SPTA1: variants seen among roughly 807,000 people sequenced by gnomAD.
SPTA1 encodes spectrin alpha chain, erythrocytic 1.
In SPTA1, 177 loss-of-function variants were observed where a neutral mutation model predicts 324.7. The observed-to-expected ratio is 0.55, with a 90% CI of 0.48 to 0.62. The LOEUF (loss-of-function observed/expected upper bound fraction) is 0.62, where lower values mean the gene tolerates loss of function less well. Ranked by LOEUF, SPTA1 falls within the 20% of genes least tolerant of loss-of-function variation. The probability of loss-of-function intolerance (pLI) is 0.00; values close to 1 mark genes in which losing one functional copy is unlikely to be tolerated. For synonymous variants in SPTA1, 1,195 were observed against 1,041.3 expected, an observed-to-expected ratio of 1.15 and a Z score of -2.84; for missense variants, 3,162 against 2,883.6, an observed-to-expected ratio of 1.10 and a Z score of -2.21.
intron 47 of SPTA1, among the ~76,000 whole-genome samples, chr1:158,616,637 C>A (rs1185126271): frequency 6.6e-6 from 1 of 152,116 alleles, no homozygotes; most frequent in East Asian, 1.9e-4. Flanking sequence ...ATTTCTTTAT[C>A]AGTTAATCCA....
chr1:158,674,067 A>G (rs1025164894), intron 10 of SPTA1, among the ~76,000 whole-genome samples: 2 of 152,196 alleles, frequency 1.3e-5, no homozygotes, highest in African/African-American at 4.8e-5. Context: ...AGGAGAATGT[A>G]CATGCATCGT....
chr1:158,678,170 C>T (rs1359007041), intron 6 of SPTA1, among the ~76,000 whole-genome samples: 1 of 152,022 alleles, frequency 6.6e-6, no homozygotes, highest in Non-Finnish European at 1.5e-5. Flanking sequence ...CCTAAATTAC[C>T]AATGCTACTT....
At chr1:158,629,195 ATC>A (rs1650510739) in intron 39 of SPTA1, among the ~76,000 whole-genome samples, 1 of 141,658 alleles carries the variant, frequency 7.1e-6, no homozygotes, top group Admixed American at 6.8e-5. Context: ...ATCTCTATCT[ATC>A]TATCTATCTA....
At chr1:158,650,697 C>T (rs1652359947) in intron 24 of SPTA1, among the ~76,000 whole-genome samples, 1 of 152,120 alleles carries the variant, frequency 6.6e-6, no homozygotes, top group African/African-American at 2.4e-5. Flanking sequence ...CTGTGTGTGA[C>T]AGTGAAAGAG....
Position 158,647,683 on chromosome 1 carries a change from T to C in SPTA1, c.3752A>G (p.Glu1251Gly). 3.1e-6 allele frequency: 5 copies of C among 1,613,932 alleles called. No homozygotes were observed. The Middle Eastern group carries it at 5.0e-4, about 160-fold the overall frequency. The part of the protein sequence containing the change: ...ILGETAERLS[E>G]SHPDATEDLQ... ...GTCCTCAGTGGCATCTGGATGGGAC[T>C]CACTGAGCCGCTCTGCTGTCTCCCC... Residue 1251 changes from glutamate (E) to glycine (G), a missense_variant, in exon 27 of 52, where the codon GAG becomes GGG. By Grantham distance (98) the Glu-to-Gly change is moderately conservative. Transcript: ENST00000643759.
intron 7 of SPTA1, 55 bp from the exon 8 acceptor site, chr1:158,676,350 G>A (rs1488545335): frequency 6.3e-7 from 1 of 1,595,602 alleles, no homozygotes; most frequent in Middle Eastern, 1.9e-4. Flanking sequence ...ACTCCCCCTG[G>A]CAAAGCTTTG....
intron 14 of SPTA1, among the ~76,000 whole-genome samples, 177 bp downstream of exon 14, chr1:158,669,231 G>A (rs1653824454): frequency 2.6e-5 from 4 of 152,110 alleles, no homozygotes; most frequent in Admixed American, 2.6e-4. Flanking sequence ...CTAGATCCTT[G>A]ATATTTAACT....
In SPTA1 at chr1:158,627,669, G is replaced by A. The variant is rs749880846; in HGVS notation, c.5620C>T (p.Arg1874Ter). 15 of 1,613,230 alleles carry A rather than the reference G, an allele frequency of 9.3e-6. No individual in the cohort carries two copies. The highest frequency in any genetic ancestry group is 2.2e-5 in the East Asian group (1 of 44,858). ...CCTTGTGCACACACATTTTGTACTC[G>A]GGTCTCATGGACAGCAAAGTCATTT... is the stretch of plus-strand genomic sequence containing the variant. ...LENDFAVHET[R>*]VQNVCAQGED... Residue 1874 changes from arginine to a stop codon, truncating the protein, a stop_gained, in exon 40 of 52, where the codon CGA becomes TGA. Coordinates refer to ENST00000643759, the MANE Select transcript of SPTA1 (RefSeq NM_003126.4). LOFTEE classifies it high-confidence loss of function.
At chr1:158,677,937 G>A (rs1477745070) in intron 6 of SPTA1, 103 bp from the exon 7 acceptor site, 6 of 1,421,944 alleles carry the variant, frequency 4.2e-6, no homozygotes, top group East Asian at 2.3e-5. Context: ...TGACCCAGGA[G>A]CAATTATCCT....
rs1229076536 is a variant in SPTA1 at position 158,611,274 on chromosome 1, A to G, written c.7250T>C (p.Phe2417Ser). 1.9e-6 allele frequency: 3 copies of G among 1,613,686 alleles called. No homozygotes were observed. Among genetic ancestry groups the G allele is most frequent in the Non-Finnish European group, 2.5e-6 (3 of 1,179,716 alleles). Residue 2417 changes from phenylalanine to serine, a missense_variant, in exon 52 of 52, where the codon TTT (phenylalanine) becomes TCT (serine). Coordinates refer to ENST00000643759, the MANE Select transcript of SPTA1 (RefSeq NM_003126.4). ...YDYVGFTNSY[F>S]GN ...ACGAGGAGCTGCTTATTAGTTGCCA[A>G]AGTAGGAATTGGTGAAGCCAACGTA...
Position 158,645,263 on chromosome 1 carries a change from G to A in SPTA1, c.4119C>T (p.Val1373=), listed in dbSNP as rs1357447073. 1 of 1,614,020 alleles carries A rather than the reference G, an allele frequency of 6.2e-7. No individual in the cohort carries two copies. Among genetic ancestry groups the A allele is most frequent in the Non-Finnish European group, 8.5e-7 (1 of 1,179,956 alleles). ...TCTCCAAATCATCTCTCTCTAGCTT[G>A]ACAGCTTGAAGCTTTTTTTCAATTT... The part of the protein sequence containing the change: ...SPEIEKKLQA[V]KLERDDLEKA... The change falls in exon 29 of 52, where the codon GTC becomes GTT. Residue 1373 remains valine (V), a synonymous_variant. Coordinates refer to ENST00000643759, the MANE Select transcript of SPTA1 (RefSeq NM_003126.4).
chr1:158,644,350 C>T lies in SPTA1; in HGVS notation c.4241G>A (p.Arg1414His), dbSNP rs780253909. The part of the protein sequence containing the change: ...CDQVESWMVA[R>H]ENSLRSDDKS... ...GTCATCTGACCTCAGGGAATTCTCA[C>T]GTGCCACCATCCAGCTCTCAACTTG... The change falls in exon 30 of 52, where the codon CGT becomes CAT. Residue 1414 changes from arginine (R) to histidine (H), a missense_variant. Transcript: ENST00000643759. 5.0e-6 allele frequency: 8 copies of T among 1,613,792 alleles called. No individual in the cohort carries two copies. Among genetic ancestry groups the T allele is most frequent in the Admixed American group, 3.3e-5 (2 of 59,952 alleles).
At chr1:158,634,173 A>G (rs1399792137) in intron 39 of SPTA1, among the ~76,000 whole-genome samples, 1 of 152,232 alleles carries the variant, frequency 6.6e-6, no homozygotes, top group Non-Finnish European at 1.5e-5. Flanking sequence ...TCCAGACATA[A>G]GAAGATTTTT....
In SPTA1 at chr1:158,625,582, A is replaced by G. The variant is rs147535207; in HGVS notation, c.5910+564T>C. Among the ~76,000 whole-genome samples the G allele has an allele frequency of 4.7e-4, 72 of 152,110 alleles. No homozygotes were observed. In the Middle Eastern group the frequency reaches 0.01, roughly 22 times the overall value. ...TAAACTAGATATAAATATCAAAAAG[A>G]TAATGAGAAAAGTCCCAAATATTTG... On this transcript the variant is annotated intron_variant, in intron 42 of 51. Transcript: ENST00000643759.
intron 47 of SPTA1, among the ~76,000 whole-genome samples, chr1:158,615,739 A>G (rs1010954148): frequency 7.2e-5 from 11 of 152,148 alleles, no homozygotes; most frequent in East Asian, 1.9e-4. Flanking sequence ...ATCATCTGTC[A>G]TCTATCAAGA....
At chr1:158,614,868 T>A in intron 48 of SPTA1, 1 of 238,966 alleles carries the variant, frequency 4.2e-6, no homozygotes, top group Non-Finnish European at 8.2e-6. Context: ...ACTTTAAATG[T>A]TTCTTTTAAT....
intron 38 of SPTA1, among the ~76,000 whole-genome samples, chr1:158,635,502 G>A (rs1651000920): frequency 6.6e-6 from 1 of 152,138 alleles, no homozygotes; most frequent in South Asian, 2.1e-4. Flanking sequence ...AGAACGGACT[G>A]ATACATTGTG....
At position 158,642,431 on chromosome 1, in the gene SPTA1, C is replaced by T. The variant is rs1051463634; in HGVS notation, c.4717G>A (p.Gly1573Ser). The T allele has an allele frequency of 1.2e-6, 2 of 1,613,510 alleles. No individual in the cohort carries two copies. The highest frequency in any genetic ancestry group is 2.7e-5 in the African/African-American group (2 of 74,962). Residue 1573 changes from glycine (G) to serine (S), a missense_variant, in exon 33 of 52, where the codon GGC becomes AGC. Gly to Ser is a moderately conservative substitution (Grantham distance 56). Transcript: ENST00000643759. ...TTTACCTTCATGGCCTCTTCATTGC[C>T]ATCACAAGCGCTACACTCAATCAGG... ...NSLIECSACD[G>S]NEEAMKEQLE...
At chr1:158,637,594 C>G (rs570412569) in intron 36 of SPTA1, among the ~76,000 whole-genome samples, 1 of 124,464 alleles carries the variant, frequency 8.0e-6, no homozygotes, top group Non-Finnish European at 1.7e-5. Flanking sequence ...AGCTGTGTAA[C>G]CAAAAATGGA....
Sources: gnomAD v4.1 joint callset for allele counts (sites outside exome capture counted in the v4.1 genomes callset) on GRCh38, gnomAD v4.1.1 for gene constraint, MANE v1.5 for transcripts, NCBI Gene and HGNC (gene_info 2026-07-23, HGNC 2026-07-21) for gene names.